Variants in CALN1 observed in about 807,000 individuals in gnomAD.
CALN1 encodes the protein calneuron 1.
A neutral mutation model predicts 30.6 loss-of-function variants in CALN1; 17 were observed. The ratio of observed to expected loss-of-function variants is 0.56; its 90% CI spans 0.38 to 0.83. The LOEUF (loss-of-function observed/expected upper bound fraction) is 0.83, where lower values mean the gene tolerates loss of function less well. Among genes scored for constraint, CALN1 ranks in the 40% least tolerant of loss-of-function variants. The probability of loss-of-function intolerance (pLI) is 0.00; values close to 1 mark genes in which losing one functional copy is unlikely to be tolerated. For missense variants in CALN1, 291 were observed against 354.9 expected, an observed-to-expected ratio of 0.82 and a Z score of 1.45; for synonymous variants, 156 against 131.4, an observed-to-expected ratio of 1.19 and a Z score of -1.28.
At chr7:72,414,180 A>G (rs1807350319), upstream of CALN1, among the ~76,000 whole-genome samples, 1 of 152,116 alleles carries the variant, frequency 6.6e-6, no homozygotes, top group South Asian at 2.1e-4. Flanking sequence ...TTTGGCGGGA[A>G]GCTCAAGAGA....
At chr7:71,837,243 CAAAAAAA>C (rs55977265) in intron 5 of CALN1, among the ~76,000 whole-genome samples, 2,090 of 79,164 alleles carry the variant, frequency 0.026, 49 homozygotes, top group African/African-American at 0.096. Flanking sequence ...AAAAAAAAGA[CAAAAAAA>C]AAAAAAAAAA....
At chr7:72,380,008 T>C (rs558643902) in intron 2 of CALN1, among the ~76,000 whole-genome samples, 1 of 152,348 alleles carries the variant, frequency 6.6e-6, no homozygotes, top group African/African-American at 2.4e-5. Context: ...TCGGTCTATG[T>C]AATAGATGGA....
chr7:72,395,422 A>C (rs1352696556), intron 2 of CALN1, among the ~76,000 whole-genome samples: 1 of 152,238 alleles, frequency 6.6e-6, no homozygotes, highest in Non-Finnish European at 1.5e-5. Flanking sequence ...AAACTGAGAT[A>C]AATGAAGATA....
intron 3 of CALN1, among the ~76,000 whole-genome samples, chr7:72,108,836 T>C (rs1807359773): frequency 6.6e-6 from 1 of 152,230 alleles, no homozygotes; most frequent in Non-Finnish European, 1.5e-5. Context: ...GCCTCTCAGC[T>C]TCCTTGGACT....
intron 1 of CALN1, among the ~76,000 whole-genome samples, chr7:72,436,735 G>C (rs181335422): frequency 6.6e-6 from 1 of 152,042 alleles, no homozygotes; most frequent in East Asian, 1.9e-4. Flanking sequence ...TTCTCCAAGC[G>C]TGGGCCCAAA....
chr7:72,103,403 GGCATATGAAGGGGCGTAGTACTT>G (rs1353632905), intron 4 of CALN1: 2 of 153,654 alleles, frequency 1.3e-5, no homozygotes, highest in African/African-American at 4.8e-5. Flanking sequence ...GAGCAGTCAT[GGCATATGAAGGGGCGTAGTACTT>G]GCTTACTGAA....
chr7:72,005,794 G>C (rs1799741568), intron 5 of CALN1, among the ~76,000 whole-genome samples: 1 of 151,426 alleles, frequency 6.6e-6, no homozygotes, highest in South Asian at 2.1e-4. Flanking sequence ...AGTTGACAGA[G>C]TTAGGGGTGG....
chr7:72,051,750 T>C (rs1802850117), intron 4 of CALN1, among the ~76,000 whole-genome samples: 1 of 152,178 alleles, frequency 6.6e-6, no homozygotes, highest in African/African-American at 2.4e-5. Flanking sequence ...AATTTAATAC[T>C]AGAAAAATCA....
chr7:71,995,271 A>C lies in CALN1; in HGVS notation c.501+28386T>G, dbSNP rs141366101. On this transcript the variant is annotated intron_variant, in intron 5 of 6. Coordinates refer to ENST00000395275, the MANE Select transcript of CALN1 (RefSeq NM_031468.4). ...AAGACAGAGCCTCCGTGCTGAACGCACCTGGCTTCCAGGTTCCTCCTTTAT... is the reference window on the plus strand; with the variant it reads ...AAGACAGAGCCTCCGTGCTGAACGCCCCTGGCTTCCAGGTTCCTCCTTTAT... Among the ~76,000 whole-genome samples the C allele has an allele frequency of 9.0e-3, 1,366 of 152,312 alleles. 6 individuals are homozygous for C. The highest frequency in any genetic ancestry group is 0.012 in the Non-Finnish European group (786 of 68,022).
At chr7:72,133,116 C>A (rs1037258508) in intron 3 of CALN1, among the ~76,000 whole-genome samples, 1 of 151,920 alleles carries the variant, frequency 6.6e-6, no homozygotes, top group Non-Finnish European at 1.5e-5. Context: ...GACACCAGAC[C>A]CCGGTGCCAA....
intron 3 of CALN1, among the ~76,000 whole-genome samples, chr7:72,138,994 T>C (rs1434882724): frequency 6.6e-6 from 1 of 152,192 alleles, no homozygotes; most frequent in Non-Finnish European, 1.5e-5. Context: ...TAGCGTTCAA[T>C]CTCAAAAATT....
At chr7:71,980,954 C>G (rs900386305) in intron 5 of CALN1, among the ~76,000 whole-genome samples, 1 of 152,036 alleles carries the variant, frequency 6.6e-6, no homozygotes, top group Non-Finnish European at 1.5e-5. Context: ...CTTTCCAACC[C>G]TGGGGCTGAC....
At chr7:72,002,327 T>G (rs1799565759) in intron 5 of CALN1, among the ~76,000 whole-genome samples, 1 of 152,196 alleles carries the variant, frequency 6.6e-6, no homozygotes, top group Non-Finnish European at 1.5e-5. Context: ...TAGCATACAG[T>G]TGGACAAAAA....
At chr7:71,844,701 C>T (rs977598883) in intron 5 of CALN1, among the ~76,000 whole-genome samples, 1 of 152,034 alleles carries the variant, frequency 6.6e-6, no homozygotes, top group African/African-American at 2.4e-5. Flanking sequence ...GGAAGAAATC[C>T]TGGCTAAACT....
chr7:72,499,764 A>T, the CALN1 span, among the ~76,000 whole-genome samples: 283 of 140,260 alleles, frequency 2.0e-3, 2 homozygotes, highest in Middle Eastern at 7.9e-3. Flanking sequence ...CTTCCGCAAA[A>T]CTTTCTTTCT....
chr7:71,963,323 C>T (rs574212810), intron 5 of CALN1, among the ~76,000 whole-genome samples: 16 of 151,952 alleles, frequency 1.1e-4, no homozygotes, highest in East Asian at 3.9e-4. Flanking sequence ...CCACCACGCC[C>T]GGCTAATTTT....
At chr7:72,412,594 C>G (rs1807254907), upstream of CALN1, among the ~76,000 whole-genome samples, 1 of 152,122 alleles carries the variant, frequency 6.6e-6, no homozygotes, top group Non-Finnish European at 1.5e-5. Flanking sequence ...CCCCACTGAC[C>G]CAGAAGCCCA....
At chr7:71,862,588 G>A (rs1434493713) in intron 5 of CALN1, among the ~76,000 whole-genome samples, 1 of 152,184 alleles carries the variant, frequency 6.6e-6, no homozygotes, top group Non-Finnish European at 1.5e-5. Context: ...GAATTACCCA[G>A]TCTCGGGTAT....
chr7:72,207,315 T>C (rs941271646), intron 3 of CALN1, among the ~76,000 whole-genome samples: 6 of 152,174 alleles, frequency 3.9e-5, no homozygotes, highest in African/African-American at 1.4e-4. Flanking sequence ...GATCTTCCCA[T>C]GGCAAATGAC....
Sources: gnomAD v4.1 joint callset for allele counts (sites outside exome capture counted in the v4.1 genomes callset) on GRCh38, gnomAD v4.1.1 for gene constraint, MANE v1.5 for transcripts, NCBI Gene and HGNC (gene_info 2026-07-23, HGNC 2026-07-21) for gene names.